Variants in SLC24A3 observed in about 807,000 individuals in gnomAD.
SLC24A3 encodes solute carrier family 24 member 3, also known as sodium/potassium/calcium exchanger 3.
SLC24A3 carries 28 observed loss-of-function variants against 75.8 expected under a neutral mutation model. The ratio of observed to expected loss-of-function variants is 0.37; its 90% confidence interval spans 0.27 to 0.51. The LOEUF is 0.51. SLC24A3 is among the 20% of genes least tolerant of loss of function. The pLI, the probability that SLC24A3 is intolerant of heterozygous loss-of-function variation, is 0.94. For missense variants in SLC24A3, 663 were observed against 847.8 expected (o/e 0.78, Z 2.71); for synonymous variants, 372 against 334.1 (o/e 1.11, Z -1.24).
At chr20:19,422,845 G>A (rs1986939981) in intron 2 of SLC24A3, among the ~76,000 whole-genome samples, 1 of 152,192 alleles carries the variant, frequency 6.6e-6, no homozygotes. Context: ...GGAAGAACGA[G>A]CCCCCATAGA....
intron 2 of SLC24A3, among the ~76,000 whole-genome samples, chr20:19,345,522 A>G (rs1205971596): frequency 6.6e-6 from 1 of 152,174 alleles, no homozygotes; most frequent in Non-Finnish European, 1.5e-5. Context: ...ACGGTAATCA[A>G]GACAATGTGG....
chr20:19,313,594 C>T (rs1984513297), intron 2 of SLC24A3, among the ~76,000 whole-genome samples: 1 of 152,226 alleles, frequency 6.6e-6, no homozygotes, highest in Admixed American at 6.5e-5. Flanking sequence ...CTGAACTTGC[C>T]TCTCCTGCCA....
intron 3 of SLC24A3, among the ~76,000 whole-genome samples, chr20:19,522,374 C>G (rs535958751): frequency 2.0e-5 from 3 of 152,148 alleles, no homozygotes; most frequent in African/African-American, 4.8e-5. Context: ...GCCAGGCCAC[C>G]AGGCTTACCA....
intron 3 of SLC24A3, among the ~76,000 whole-genome samples, chr20:19,543,564 A>T (rs1398292071): frequency 6.6e-6 from 1 of 152,140 alleles, no homozygotes; most frequent in Non-Finnish European, 1.5e-5. Context: ...AGGGAGGCCA[A>T]CCTGCGGTGC....
At chr20:19,499,410 C>A (rs1187033205) in intron 2 of SLC24A3, among the ~76,000 whole-genome samples, 5 of 152,156 alleles carry the variant, frequency 3.3e-5, no homozygotes, top group African/African-American at 1.2e-4. Flanking sequence ...CCTCTGACTT[C>A]TCCTTGTATT....
intron 15 of SLC24A3, among the ~76,000 whole-genome samples, chr20:19,707,918 G>A (rs2032947452): frequency 6.6e-6 from 1 of 152,204 alleles, no homozygotes; most frequent in Non-Finnish European, 1.5e-5. Flanking sequence ...GGTCTTGGTT[G>A]CAGATATGAA....
intron 2 of SLC24A3, among the ~76,000 whole-genome samples, chr20:19,505,410 T>C (rs1230320931): frequency 2.6e-5 from 4 of 152,188 alleles, no homozygotes; most frequent in Non-Finnish European, 4.4e-5. Context: ...GAAAAACAAA[T>C]CTTTGTTGAA....
At position 19,459,335 on chromosome 20, in the gene SLC24A3, C is replaced by G. The variant is rs142247860; in HGVS notation, c.272-56153C>G. ...CACCTGCCACCATGTGCCTCTACCC[C>G]CCTTGCAATCTAAGCCTCCATCAGA... On this transcript the variant is annotated intron_variant, in intron 2 of 16. Transcript: ENST00000328041. Among the ~76,000 whole-genome samples, 19 of 152,286 alleles carry G rather than the reference C, an allele frequency of 1.2e-4. No individual in the cohort carries two copies. The East Asian group carries it at 2.5e-3, about 20-fold the overall frequency.
chr20:19,430,643 C>G (rs547545132), intron 2 of SLC24A3, among the ~76,000 whole-genome samples: 5 of 152,152 alleles, frequency 3.3e-5, no homozygotes, highest in African/African-American at 1.2e-4. Context: ...TTGAGATGCT[C>G]CTGCTGCAGC....
rs955887690 is a variant in SLC24A3, at chr20:19,481,569, G to A, written c.272-33919G>A. ...ACTTCAGCTGGGTGCCTGGAGAAAC[G>A]GTGGTCCCACAAGTCTACGAAAGGA... On this transcript the variant is annotated intron_variant, in intron 2 of 16. Coordinates refer to ENST00000328041, the MANE Select transcript of SLC24A3 (RefSeq NM_020689.4). 4.6e-5 allele frequency among the ~76,000 whole-genome samples: 7 copies of A among 152,242 alleles called. No homozygotes were observed. The East Asian group carries it at 7.7e-4, about 17-fold the overall frequency.
At chr20:19,256,294 A>G (rs145954222) in intron 1 of SLC24A3, among the ~76,000 whole-genome samples, 56 of 152,278 alleles carry the variant, frequency 3.7e-4, no homozygotes, top group African/African-American at 1.3e-3. Context: ...CTCCATAGAG[A>G]CAGAAAGCAG....
At chr20:19,304,811 A>G (rs1411475351) in intron 2 of SLC24A3, among the ~76,000 whole-genome samples, 2 of 152,238 alleles carry the variant, frequency 1.3e-5, no homozygotes, top group African/African-American at 2.4e-5. Flanking sequence ...ACAAGAGAGG[A>G]AAGGAGTCAT....
chr20:19,651,374 T>TATATATATATATATATATATATACACAC (rs2032200073), intron 6 of SLC24A3, among the ~76,000 whole-genome samples: 1 of 71,904 alleles, frequency 1.4e-5, no homozygotes, highest in South Asian at 3.5e-4. Flanking sequence ...GTTTTTATTA[T>TATATATATATATATATATATATACACAC]ATATATATAT....
At chr20:19,385,985 A>G (rs1448739333) in intron 2 of SLC24A3, among the ~76,000 whole-genome samples, 1 of 152,208 alleles carries the variant, frequency 6.6e-6, no homozygotes, top group East Asian at 1.9e-4. Context: ...TAGGGATTAC[A>G]TTGAATCTGT....
chr20:19,317,950 T>G (rs536768230), intron 2 of SLC24A3, among the ~76,000 whole-genome samples: 2 of 152,384 alleles, frequency 1.3e-5, no homozygotes, highest in Non-Finnish European at 2.9e-5. Context: ...ACATTCTGCC[T>G]GCTCACACCT....
intron 2 of SLC24A3, among the ~76,000 whole-genome samples, chr20:19,491,480 G>T (rs1431088638): frequency 6.6e-6 from 1 of 152,166 alleles, no homozygotes; most frequent in Non-Finnish European, 1.5e-5. Flanking sequence ...GGGCAGAAAT[G>T]ACCAACCCTT....
At chr20:19,505,574 A>G (rs1315695896) in intron 2 of SLC24A3, among the ~76,000 whole-genome samples, 1 of 152,196 alleles carries the variant, frequency 6.6e-6, no homozygotes, top group African/African-American at 2.4e-5. Context: ...AGACAATGAC[A>G]GATAGGCAAC....
At chr20:19,615,680 G>A (rs1021446051) in intron 6 of SLC24A3, among the ~76,000 whole-genome samples, 1 of 152,158 alleles carries the variant, frequency 6.6e-6, no homozygotes, top group Non-Finnish European at 1.5e-5. Context: ...AACAAAACAG[G>A]CAGAACAAGA....
At chr20:19,641,078 G>A (rs6081693) in intron 6 of SLC24A3, among the ~76,000 whole-genome samples, 42,180 of 152,168 alleles carry the variant, frequency 0.28, 7,652 homozygotes, top group Non-Finnish European at 0.4. Flanking sequence ...AAGATACAAA[G>A]TGAGACTATC....
Sources: gnomAD v4.1 joint callset for allele counts (sites outside exome capture counted in the v4.1 genomes callset) on GRCh38, gnomAD v4.1.1 for gene constraint, MANE v1.5 for transcripts, NCBI Gene and HGNC (gene_info 2026-07-23, HGNC 2026-07-21) for gene names.